Variants in SLC12A3 observed in about 807,000 individuals in gnomAD.
SLC12A3 encodes the protein solute carrier family 12 member 3, also known as Na-Cl cotransporter.
In SLC12A3, 104 loss-of-function variants were observed where a neutral mutation model predicts 121.0. The ratio of observed to expected loss-of-function variants is 0.86; its 90% CI spans 0.73 to 1.01. The LOEUF (loss-of-function observed/expected upper bound fraction) is 1.01, where lower values mean the gene tolerates loss of function less well. Among genes scored for constraint, SLC12A3 ranks in the 50% least tolerant of loss-of-function variants. The pLI is 0.00. For synonymous variants in SLC12A3, 536 were observed against 533.4 expected, an observed-to-expected ratio of 1.00 and a Z score of -0.07; for missense variants, 1,328 against 1,356.3, an observed-to-expected ratio of 0.98 and a Z score of 0.33.
At position 56,878,890 on chromosome 16, in the gene SLC12A3, G is replaced by A. The variant is rs141611759; in HGVS notation, c.1181-183G>A. Among the ~76,000 whole-genome samples, 19 of 152,324 alleles carry A rather than the reference G, an allele frequency of 1.2e-4. No homozygotes were observed. The East Asian group carries it at 1.9e-3, about 15-fold the overall frequency. On this transcript the variant is annotated intron_variant, in intron 9 of 25. Transcript: ENST00000563236. ...ACAAAAATAATAGTAATGCCTGCTC[G>A]TAGGTTATTGTAAAGTACTTATCAT...
At chr16:56,879,468 G>C in intron 10 of SLC12A3, 74 bp from the exon 11 acceptor site, 2 of 1,294,370 alleles carry the variant, frequency 1.5e-6, no homozygotes, top group Non-Finnish European at 2.2e-6. Flanking sequence ...CCCGCAGTAG[G>C]GAATGAAGTG....
chr16:56,910,563 C>T (rs779840106), intron 25 of SLC12A3, among the ~76,000 whole-genome samples: 8 of 152,152 alleles, frequency 5.3e-5, no homozygotes, highest in African/African-American at 1.2e-4. Flanking sequence ...TGGTCTCCAA[C>T]TCCTGAGCTC....
rs2144798652 is a variant in SLC12A3, at chr16:56,915,686, A to G, written c.*2281A>G. The G allele has an allele frequency of 6.6e-6, 1 of 152,362 alleles. No homozygotes were observed. The highest frequency in any genetic ancestry group is 2.1e-4 in the South Asian group (1 of 4,832). 9.4% of individuals were successfully genotyped at this position (152,362 alleles called of 1,614,324 possible). On this transcript the variant is annotated 3_prime_UTR_variant, in exon 26 of 26. Coordinates refer to ENST00000563236, the MANE Select transcript of SLC12A3 (RefSeq NM_001126108.2). ...CAAACCTCAAAGAGTCCTTGGTCCA[A>G]AAAACAGAATGTTTTGGCTTCGGGT...
intron 8 of SLC12A3, 103 bp downstream of exon 8, chr16:56,872,889 A>G (rs1250779277): frequency 1.5e-5 from 22 of 1,496,886 alleles, no homozygotes; most frequent in Non-Finnish European, 2.0e-5. Flanking sequence ...CCTGGGAGGC[A>G]GGGCTTCTAA....
In SLC12A3 at chr16:56,884,110, C is replaced by T. The variant is rs374923985; in HGVS notation, c.1731C>T (p.Ser577=). The T allele has an allele frequency of 2.7e-5, 44 of 1,614,050 alleles. No individual in the cohort carries two copies. Among genetic ancestry groups the T allele is most frequent in the African/African-American group, 1.2e-4 (9 of 74,928 alleles). ...CGGCGCTGTTTGGGGCTATCATCTC[C>T]GTGGTCATCATGTTCCTCCTCACCT... The part of the protein sequence containing the change: ...KWAALFGAII[S]VVIMFLLTWW... Residue 577 remains serine (S), a synonymous_variant, in exon 14 of 26, where the codon TCC becomes TCT. Coordinates refer to ENST00000563236, the MANE Select transcript of SLC12A3 (RefSeq NM_001126108.2).
At chr16:56,883,977 C>G in intron 13 of SLC12A3, 72 bp from the exon 14 acceptor site, 4 of 1,554,140 alleles carry the variant, frequency 2.6e-6, no homozygotes, top group Non-Finnish European at 3.5e-6. Flanking sequence ...CTGCCAGGCC[C>G]TGCCCAGCAG....
intron 25 of SLC12A3, among the ~76,000 whole-genome samples, chr16:56,908,192 A>C: frequency 9.7e-6 from 1 of 102,728 alleles, no homozygotes; most frequent in Non-Finnish European, 1.9e-5. Context: ...AGGCAGAGTC[A>C]CTCTGTCACC....
At position 56,913,899 on chromosome 16, in the gene SLC12A3, A is replaced by C. The variant is rs2055719447; in HGVS notation, c.*494A>C. Reference sequence around the variant, plus strand: ...GGTCTCTCTCTGAGCCTCCACAGCCAGGCAAATACATATATATATATTTTT... The same window carrying C: ...GGTCTCTCTCTGAGCCTCCACAGCCCGGCAAATACATATATATATATTTTT... On this transcript the variant is annotated 3_prime_UTR_variant, in exon 26 of 26. Transcript: ENST00000563236. 5.9e-6 allele frequency: 1 copy of C among 169,518 alleles called. No homozygotes were observed. The highest frequency in any genetic ancestry group is 2.9e-3 in the Middle Eastern group (1 of 350). The allele number at this position is 169,518 out of a possible 1,614,324, so 10.5% of individuals were successfully genotyped here.
chr16:56,909,206 C>A (rs193065111), intron 25 of SLC12A3, among the ~76,000 whole-genome samples: 71 of 152,018 alleles, frequency 4.7e-4, no homozygotes, highest in Admixed American at 1.7e-3. Context: ...TGCCTGTAAT[C>A]CCAGCACTTT....
rs548169456 is a variant in SLC12A3, at chr16:56,909,007, A to G, written c.2925-4257A>G. On this transcript the variant is annotated intron_variant, in intron 25 of 25. Transcript: ENST00000563236. ...TTAGCCCACTGTGTGGCCTTGGGTA[A>G]GACCCCATGTCTCTCTAGCCTCAGT... Among the ~76,000 whole-genome samples the G allele has an allele frequency of 2.6e-5, 4 of 152,386 alleles. No individual in the cohort carries two copies. In the East Asian group the frequency reaches 7.7e-4, roughly 29 times the overall value.
At chr16:56,889,620 C>A (rs2055362989) in intron 18 of SLC12A3, among the ~76,000 whole-genome samples, 1 of 152,126 alleles carries the variant, frequency 6.6e-6, no homozygotes, top group African/African-American at 2.4e-5. Context: ...ATTACAGGTG[C>A]CCACCACCAC....
chr16:56,884,713 A>G (rs1020628137), intron 14 of SLC12A3, among the ~76,000 whole-genome samples: 4 of 152,160 alleles, frequency 2.6e-5, no homozygotes, highest in African/African-American at 9.7e-5. Flanking sequence ...CTTCTAGGCC[A>G]TTGCAAAGGT....
At chr16:56,899,728 A>T in intron 23 of SLC12A3, 112 bp downstream of exon 23, 1 of 804,270 alleles carries the variant, frequency 1.2e-6, no homozygotes, top group African/African-American at 1.7e-5. Context: ...TCTCTCCTCC[A>T]AGCCCTTCCT....
At chr16:56,912,712 A>G (rs2055702014) in intron 25 of SLC12A3, among the ~76,000 whole-genome samples, 1 of 152,180 alleles carries the variant, frequency 6.6e-6, no homozygotes, top group African/African-American at 2.4e-5. Context: ...ATGTGGGGAG[A>G]CAAGCACATA....
Position 56,915,325 on chromosome 16 carries a change from A to G in SLC12A3, c.*1920A>G, listed in dbSNP as rs760358705. On this transcript the variant is annotated 3_prime_UTR_variant, in exon 26 of 26. Coordinates refer to ENST00000563236, the MANE Select transcript of SLC12A3 (RefSeq NM_001126108.2). ...CAGAAGGAGACTAAAGACTTCTAGA[A>G]TTTAGAAGGAGATCTGAAGTCTCCT... 14 of 152,228 alleles carry G rather than the reference A, an allele frequency of 9.2e-5. No homozygotes were observed. The highest frequency in any genetic ancestry group is 1.2e-4 in the Non-Finnish European group (8 of 68,046). 9.4% of individuals were successfully genotyped at this position (152,228 alleles called of 1,614,324 possible).
intron 6 of SLC12A3, 76 bp from the exon 7 acceptor site, chr16:56,872,275 A>G: frequency 1.0e-6 from 1 of 1,001,416 alleles, no homozygotes; most frequent in South Asian, 1.3e-5. Flanking sequence ...GGCCCTGGGC[A>G]AATCATTTTC....
intron 13 of SLC12A3, among the ~76,000 whole-genome samples, chr16:56,883,616 T>C (rs1408583836): frequency 6.6e-6 from 1 of 152,214 alleles, no homozygotes; most frequent in Non-Finnish European, 1.5e-5. Flanking sequence ...TGTCTTTTAC[T>C]AGGCCACCTT....
In SLC12A3 at chr16:56,896,347, C is replaced by A. The variant is rs2055461852; in HGVS notation, c.2633+1705C>A. Among the ~76,000 whole-genome samples the A allele has an allele frequency of 2.6e-5, 4 of 152,214 alleles. No individual in the cohort carries two copies. The South Asian group carries it at 8.3e-4, about 32-fold the overall frequency. On this transcript the variant is annotated intron_variant, in intron 22 of 25. Coordinates refer to ENST00000563236, the MANE Select transcript of SLC12A3 (RefSeq NM_001126108.2). ...AAGAGGAGTAGGCTGGATGCATGGG[C>A]TTGGCAGGCAATGGCATCTGGCCAG... is the stretch of plus-strand genomic sequence containing the variant.
rs775565723 is a variant in SLC12A3, at chr16:56,867,188, T to A, written c.401T>A (p.Val134Glu). The A allele has an allele frequency of 6.2e-7, 1 of 1,613,026 alleles. No homozygotes were observed. The highest frequency in any genetic ancestry group is 1.7e-5 in the Admixed American group (1 of 59,758). Residue 134 changes from valine to glutamate, a missense_variant, in exon 2 of 26, where the codon GTG becomes GAG. Val to Glu is a moderately radical substitution (Grantham distance 121, BLOSUM62 -2). Transcript: ENST00000563236. Reference sequence around the variant, plus strand: ...AGCGAGAAGAACCCCGAGGAGCCAGTGCGCTTCGGCTGGGTCAAGGGGGTG... The same window carrying A: ...AGCGAGAAGAACCCCGAGGAGCCAGAGCGCTTCGGCTGGGTCAAGGGGGTG... The part of the protein sequence containing the change: ...TSSEKNPEEP[V>E]RFGWVKGVMI...
Sources: allele counts gnomAD v4.1 joint callset (sites outside exome capture counted in the v4.1 genomes callset), GRCh38; gene constraint gnomAD v4.1.1; transcripts MANE v1.5; gene names NCBI Gene and HGNC (gene_info 2026-07-23, HGNC 2026-07-21).